Variants in SEC14L1 observed in about 807,000 individuals in gnomAD.
SEC14L1 encodes the protein SEC14 like lipid binding 1, also known as SEC14-like protein 1.
In SEC14L1, 48 loss-of-function variants were observed where a neutral mutation model predicts 85.3. The ratio of observed to expected loss-of-function variants is 0.56; its 90% CI spans 0.45 to 0.72. The LOEUF is 0.72. Ranked by LOEUF, SEC14L1 falls within the 30% of genes least tolerant of loss-of-function variation. The pLI is 0.00. For synonymous variants in SEC14L1, 391 were observed against 355.5 expected (o/e 1.10, Z -1.12); for missense variants, 682 against 921.4 (o/e 0.74, Z 3.36).
intron 3 of SEC14L1, among the ~76,000 whole-genome samples, chr17:77,124,073 C>T (rs1972373046): frequency 6.6e-6 from 1 of 152,106 alleles, no homozygotes; most frequent in African/African-American, 2.4e-5. Flanking sequence ...CAAATAAAAA[C>T]CATGTCTTGG....
At chr17:77,159,706 G>A (rs1453831733) in intron 3 of SEC14L1, among the ~76,000 whole-genome samples, 1 of 152,108 alleles carries the variant, frequency 6.6e-6, no homozygotes, top group Non-Finnish European at 1.5e-5. Flanking sequence ...ATAGATTCCA[G>A]ATCCAAAAGA....
At chr17:77,173,050 C>G (rs1325200312) in intron 3 of SEC14L1, among the ~76,000 whole-genome samples, 1 of 152,100 alleles carries the variant, frequency 6.6e-6, no homozygotes, top group Non-Finnish European at 1.5e-5. Context: ...TTAGCTCAGC[C>G]CAAGTATATA....
intron 3 of SEC14L1, among the ~76,000 whole-genome samples, chr17:77,101,176 C>T (rs1159467884): frequency 2.6e-5 from 4 of 151,882 alleles, no homozygotes; most frequent in Non-Finnish European, 5.9e-5. Flanking sequence ...AGCATATAGT[C>T]CCTCTCTTTT....
chr17:77,097,800 G>A (rs905870603), intron 3 of SEC14L1, among the ~76,000 whole-genome samples: 1 of 152,126 alleles, frequency 6.6e-6, no homozygotes, highest in Non-Finnish European at 1.5e-5. Flanking sequence ...TCCTCTCAGA[G>A]AACTTATATC....
At chr17:77,186,313 C>T (rs138434748) in intron 3 of SEC14L1, among the ~76,000 whole-genome samples, 396 of 152,310 alleles carry the variant, frequency 2.6e-3, no homozygotes, top group African/African-American at 9.1e-3. Flanking sequence ...GCCTTGCAGT[C>T]GCACTCCTGA....
rs770821345 is a variant in SEC14L1, at chr17:77,206,778, A to G, written c.1392A>G (p.Ala464=). The G allele has an allele frequency of 1.1e-5, 17 of 1,612,592 alleles. No individual in the cohort carries two copies. In the South Asian group the frequency reaches 1.1e-4, roughly 10 times the overall value. The change falls in exon 13 of 17, where the codon GCA becomes GCG. Residue 464 remains alanine (A), a synonymous_variant. Transcript: ENST00000436233. This position sits in a 1 kb window ranked among gnomAD's most constrained non-coding sequence, Gnocchi z 4.3. ...DNTRRKFLIY[A]GNDYQGPGGL... ...CCAGAAGGAAGTTCCTCATTTATGC[A>G]GGAAATGACTACCAGGGTCCTGGAG... is the stretch of plus-strand genomic sequence containing the variant.
intron 3 of SEC14L1, among the ~76,000 whole-genome samples, chr17:77,189,761 TG>T (rs1975436886): frequency 6.6e-6 from 1 of 152,168 alleles, no homozygotes; most frequent in Non-Finnish European, 1.5e-5. Flanking sequence ...CCTGAGTAGC[TG>T]GAACTACAGG....
At chr17:77,107,529 GGA>G (rs1971942152) in intron 3 of SEC14L1, among the ~76,000 whole-genome samples, 1 of 152,182 alleles carries the variant, frequency 6.6e-6, no homozygotes, top group Admixed American at 6.5e-5. Flanking sequence ...TAGATGAAAA[GGA>G]GAGAGGGGGA....
chr17:77,179,567 A>G (rs1318772402), intron 3 of SEC14L1, among the ~76,000 whole-genome samples: 2 of 152,214 alleles, frequency 1.3e-5, no homozygotes, highest in African/African-American at 2.4e-5. Context: ...CTTTGGAGAA[A>G]GTGTATCATC....
chr17:77,191,478 T>C (rs750958816), intron 5 of SEC14L1, among the ~76,000 whole-genome samples, 166 bp downstream of exon 5: 13 of 152,192 alleles, frequency 8.5e-5, no homozygotes, highest in Non-Finnish European at 5.9e-5. Context: ...AGGTGTGGTC[T>C]CCTGCAGAGT....
rs573606626 is a variant in SEC14L1 at position 77,210,853 on chromosome 17, G to T, written c.1612-1097G>T. ...GGGGGCATCTGTAGACATCCACATG[G>T]TAAAAACCTCCGTTCTGCTTTGGGT... is the stretch of plus-strand genomic sequence containing the variant. On this transcript the variant is annotated intron_variant, in intron 14 of 16. Transcript: ENST00000436233. 2.6e-5 allele frequency: 4 copies of T among 152,158 alleles called. No homozygotes were observed. The South Asian group carries it at 8.3e-4, about 31-fold the overall frequency. 9.4% of individuals were successfully genotyped at this position (152,158 alleles called of 1,614,324 possible).
rs377194437 is a variant in SEC14L1 at position 77,216,341 on chromosome 17, G to T, written c.*2318G>T. On this transcript the variant is annotated 3_prime_UTR_variant, in exon 17 of 17. Coordinates refer to ENST00000436233, the MANE Select transcript of SEC14L1 (RefSeq NM_001143998.2). ...CTAGTAGGTAGGGCTAGTAGGTAGG[G>T]TTAGTAGGTAGGGCTAGTAGGTAGG... The T allele has an allele frequency of 9.7e-6, 13 of 1,345,250 alleles. 1 individual carries two copies. In the South Asian group the frequency reaches 1.4e-4, roughly 14 times the overall value. 83.3% of individuals were successfully genotyped at this position (1,345,250 alleles called of 1,614,324 possible).
chr17:77,206,340 G>A lies in SEC14L1; in HGVS notation c.1281G>A (p.Glu427=). ...IIEVVEANYP[E]TLGRLLILRA... is the part of the protein sequence containing the mutation. ...AGGTGGTGGAGGCCAACTACCCTGA[G>A]ACACTGGGCCGCCTTCTCATCCTGC... The change falls in exon 12 of 17, where the codon GAG becomes GAA. Residue 427 remains glutamate, a synonymous_variant. Coordinates refer to ENST00000436233, the MANE Select transcript of SEC14L1 (RefSeq NM_001143998.2). The surrounding 1 kb of genome is among the most constrained non-coding windows in gnomAD (Gnocchi z 4.3). 5.6e-6 allele frequency: 9 copies of A among 1,614,136 alleles called. No individual in the cohort carries two copies. Among genetic ancestry groups the A allele is most frequent in the Non-Finnish European group, 6.8e-6 (8 of 1,180,024 alleles).
chr17:77,112,413 T>C (rs1972068585), intron 3 of SEC14L1, among the ~76,000 whole-genome samples: 1 of 151,196 alleles, frequency 6.6e-6, no homozygotes, highest in Non-Finnish European at 1.5e-5. Context: ...CCTTTTCTCT[T>C]ATCTATATTT....
chr17:77,139,228 C>T (rs1972890854), upstream of SEC14L1, among the ~76,000 whole-genome samples: 1 of 142,786 alleles, frequency 7.0e-6, no homozygotes, highest in Non-Finnish European at 1.5e-5. Flanking sequence ...GAGTGCAGGG[C>T]AGGTGGCGTG....
In SEC14L1 at chr17:77,213,064, T is replaced by TC. The variant is rs1976846463; in HGVS notation, c.1864-249dup. Among the ~76,000 whole-genome samples, 1 of 152,210 alleles carries TC rather than the reference T, an allele frequency of 6.6e-6. No homozygotes were observed. The highest frequency in any genetic ancestry group is 2.4e-5 in the African/African-American group (1 of 41,452). On this transcript the variant is annotated intron_variant, in intron 15 of 16. Transcript: ENST00000436233. The surrounding 1 kb of genome is among the most constrained non-coding windows in gnomAD (Gnocchi z 7.1). ...GTAGGTGGGGTGGGCTGGGCAGGCC[T>TC]CGTGAGGGCCACGGACATGGAGCTT...
At chr17:77,145,808 T>G (rs761114653) in intron 3 of SEC14L1, among the ~76,000 whole-genome samples, 2 of 152,224 alleles carry the variant, frequency 1.3e-5, no homozygotes, top group African/African-American at 4.8e-5. Flanking sequence ...AGCCACAGTT[T>G]TTCTCTAGGA....
chr17:77,173,441 G>A (rs958282838), intron 3 of SEC14L1, among the ~76,000 whole-genome samples: 1 of 151,840 alleles, frequency 6.6e-6, no homozygotes, highest in African/African-American at 2.4e-5. Flanking sequence ...ATGGTCTAAA[G>A]GATCCCATGT....
chr17:77,166,320 A>G (rs1166371775), intron 3 of SEC14L1, among the ~76,000 whole-genome samples: 2 of 152,202 alleles, frequency 1.3e-5, no homozygotes, highest in Non-Finnish European at 2.9e-5. Flanking sequence ...CAAGTTGAAG[A>G]TGATGAAGAA....
Sources: gnomAD v4.1 joint callset for allele counts (sites outside exome capture counted in the v4.1 genomes callset) on GRCh38, gnomAD v4.1.1 for gene constraint, Gnocchi (gnomAD v3.1) non-coding constraint, MANE v1.5 for transcripts, NCBI Gene and HGNC (gene_info 2026-07-23, HGNC 2026-07-21) for gene names.